Variants in KYNU observed in about 807,000 individuals in gnomAD.
The protein encoded by KYNU is kynureninase.
KYNU carries 54 observed loss-of-function variants against 59.2 expected under a neutral mutation model. The ratio of observed to expected loss-of-function variants is 0.91; its 90% CI spans 0.73 to 1.14. KYNU has a LOEUF of 1.14. KYNU is among the 50% of genes most tolerant of loss of function. KYNU has a pLI of 0.00. For synonymous variants in KYNU, 177 were observed against 192.0 expected, an observed-to-expected ratio of 0.92 and a Z score of 0.65; for missense variants, 567 against 554.4, an observed-to-expected ratio of 1.02 and a Z score of -0.23.
chr2:143,012,210 G>A (rs1046779707), intron 10 of KYNU, among the ~76,000 whole-genome samples: 10 of 152,114 alleles, frequency 6.6e-5, no homozygotes, highest in South Asian at 2.1e-4. Context: ...GACCAGGCAC[G>A]ATGACTCACG....
intron 4 of KYNU, among the ~76,000 whole-genome samples, chr2:142,929,359 CAA>C (rs5834929): frequency 3.8e-4 from 40 of 106,442 alleles, no homozygotes; most frequent in Middle Eastern, 6.3e-3. Flanking sequence ...TTGCCTTTCT[CAA>C]AAAAAAAAAA....
intron 10 of KYNU, among the ~76,000 whole-genome samples, chr2:143,000,206 A>G (rs1002566203): frequency 6.6e-6 from 1 of 152,150 alleles, no homozygotes; most frequent in African/African-American, 2.4e-5. Context: ...TGTATTTATG[A>G]CTGGTTGAAT....
intron 10 of KYNU, among the ~76,000 whole-genome samples, chr2:143,017,327 T>C (rs572166139): frequency 1.2e-4 from 19 of 152,164 alleles, no homozygotes; most frequent in Non-Finnish European, 2.6e-4. Flanking sequence ...CAAACTGCTT[T>C]CCACATAGCT....
Position 142,889,667 on chromosome 2 carries a change from G to C in KYNU, c.169+4131G>C, listed in dbSNP as rs532408928. 2.0e-5 allele frequency among the ~76,000 whole-genome samples: 3 copies of C among 152,054 alleles called. No individual in the cohort carries two copies. The South Asian group carries it at 6.2e-4, about 32-fold the overall frequency. On this transcript the variant is annotated intron_variant, in intron 2 of 13. Transcript: ENST00000264170. ...TTGAAATTTCCTTCTTTTTTGTTTT[G>C]ACAAGATGTGAATTCATCAGGAAAC...
At chr2:142,913,774 C>T (rs1178925946) in intron 2 of KYNU, among the ~76,000 whole-genome samples, 1 of 152,178 alleles carries the variant, frequency 6.6e-6, no homozygotes, top group Non-Finnish European at 1.5e-5. Flanking sequence ...GATGATCTGT[C>T]TAATGCTCTC....
At chr2:142,943,287 C>T (rs1047324053) in intron 4 of KYNU, among the ~76,000 whole-genome samples, 6 of 152,012 alleles carry the variant, frequency 3.9e-5, no homozygotes, top group Admixed American at 1.3e-4. Context: ...TATTTTGGGT[C>T]GTGATTGAGT....
chr2:143,025,956 ATTC>A (rs1034344691), intron 10 of KYNU, among the ~76,000 whole-genome samples: 10 of 152,248 alleles, frequency 6.6e-5, no homozygotes, highest in Non-Finnish European at 1.3e-4. Context: ...CTGCTAATTA[ATTC>A]TATAAAACTA....
chr2:142,988,822 A>C, intron 10 of KYNU: 1 of 1,543,840 alleles, frequency 6.5e-7, no homozygotes, highest in Non-Finnish European at 9.0e-7. Context: ...CAAGTATCTT[A>C]TATTGTACTT....
chr2:142,945,736 T>C (rs922191457), intron 4 of KYNU, among the ~76,000 whole-genome samples: 5 of 138,062 alleles, frequency 3.6e-5, no homozygotes, highest in African/African-American at 1.4e-4. Context: ...CTTTTTTTAA[T>C]TGTATTTAAT....
chr2:143,006,014 C>T (rs1348861643), intron 10 of KYNU, among the ~76,000 whole-genome samples: 1 of 152,170 alleles, frequency 6.6e-6, no homozygotes, highest in Non-Finnish European at 1.5e-5. Flanking sequence ...TCCAAAGTCA[C>T]TGCTGATTCA....
At chr2:143,026,209 T>A (rs1283864469) in intron 10 of KYNU, among the ~76,000 whole-genome samples, 1 of 152,238 alleles carries the variant, frequency 6.6e-6, no homozygotes, top group African/African-American at 2.4e-5. Context: ...GATCTCTATT[T>A]TAATCTTTTT....
intron 8 of KYNU, among the ~76,000 whole-genome samples, chr2:142,966,686 T>G (rs1471533297): frequency 6.6e-6 from 1 of 152,124 alleles, no homozygotes; most frequent in Non-Finnish European, 1.5e-5. Context: ...TTTAATTCAT[T>G]TACTAATGTG....
At chr2:143,001,650 T>C (rs576866019) in intron 10 of KYNU, among the ~76,000 whole-genome samples, 1 of 152,300 alleles carries the variant, frequency 6.6e-6, no homozygotes, top group African/African-American at 2.4e-5. Context: ...TTTGTTCTGG[T>C]TATGCTATCT....
chr2:142,901,695 C>T (rs1682094528), intron 2 of KYNU, among the ~76,000 whole-genome samples: 1 of 152,068 alleles, frequency 6.6e-6, no homozygotes, highest in East Asian at 1.9e-4. Flanking sequence ...TTACCCTTTT[C>T]CCTTTTTTTA....
chr2:143,026,546 C>G (rs570150625), intron 10 of KYNU, among the ~76,000 whole-genome samples: 72 of 152,336 alleles, frequency 4.7e-4, no homozygotes, highest in African/African-American at 1.7e-3. Context: ...GGACCCAACC[C>G]CACTCACTCG....
intron 11 of KYNU, 143 bp downstream of exon 11, chr2:143,029,822 C>G (rs888880406): frequency 1.4e-5 from 9 of 650,794 alleles, no homozygotes; most frequent in Non-Finnish European, 2.2e-5. Flanking sequence ...TAAGAAATGA[C>G]ATTTCCAGAG....
chr2:142,895,551 A>C (rs1681840685), intron 2 of KYNU, among the ~76,000 whole-genome samples: 3 of 152,188 alleles, frequency 2.0e-5, no homozygotes, highest in African/African-American at 7.2e-5. Context: ...AGCTGTGTCC[A>C]ATTTTGGTGA....
intron 2 of KYNU, among the ~76,000 whole-genome samples, chr2:142,898,663 G>A (rs998142641): frequency 6.6e-6 from 1 of 152,156 alleles, no homozygotes; most frequent in African/African-American, 2.4e-5. Context: ...AAATTAATCA[G>A]TGGGAATACT....
chr2:143,006,565 A>G (rs1369693890), intron 10 of KYNU, among the ~76,000 whole-genome samples: 1 of 113,890 alleles, frequency 8.8e-6, no homozygotes, highest in Non-Finnish European at 1.8e-5. Context: ...CAGCTCAAGG[A>G]GGCCTGCCTG....
Sources: allele counts gnomAD v4.1 joint callset (sites outside exome capture counted in the v4.1 genomes callset), GRCh38; gene constraint gnomAD v4.1.1; transcripts MANE v1.5; gene names NCBI Gene and HGNC (gene_info 2026-07-23, HGNC 2026-07-21).